The following ATG4C variants were observed in gnomAD, a reference collection of about 807,000 sequenced individuals.
The protein encoded by ATG4C is autophagy related 4C cysteine peptidase.
A neutral mutation model predicts 57.6 loss-of-function variants in ATG4C; 56 were observed. The ratio of observed to expected loss-of-function variants is 0.97; its 90% confidence interval spans 0.78 to 1.21. The LOEUF is 1.21. ATG4C is among the 50% of genes most tolerant of loss of function. The pLI is 0.00. For synonymous variants in ATG4C, 157 were observed against 174.1 expected (o/e 0.90, Z 0.78); for missense variants, 595 against 529.8 (o/e 1.12, Z -1.21).
At chr1:62,849,164 C>G (rs1045851554) in intron 10 of ATG4C, among the ~76,000 whole-genome samples, 14 of 152,108 alleles carry the variant, frequency 9.2e-5, no homozygotes, top group African/African-American at 3.4e-4. Context: ...CTGCCGCCTG[C>G]CAGGTTCCAG....
intron 6 of ATG4C, among the ~76,000 whole-genome samples, chr1:62,824,496 C>T (rs757704338): frequency 2.6e-5 from 4 of 152,084 alleles, no homozygotes; most frequent in Non-Finnish European, 5.9e-5. Context: ...ATTCAACTGA[C>T]AAGGAGTATG....
intron 7 of ATG4C, among the ~76,000 whole-genome samples, chr1:62,832,396 C>G (rs1293160802): frequency 6.6e-6 from 1 of 152,098 alleles, no homozygotes; most frequent in Admixed American, 6.6e-5. Context: ...GATGGGAAAT[C>G]TAAGATCAAG....
chr1:62,797,778 T>A (rs941598433), intron 1 of ATG4C, among the ~76,000 whole-genome samples: 1 of 152,182 alleles, frequency 6.6e-6, no homozygotes, highest in African/African-American at 2.4e-5. Flanking sequence ...TAATTACATT[T>A]TCCTGTCTGA....
Position 62,806,069 on chromosome 1 carries a change from G to A in ATG4C, c.160+814G>A, listed in dbSNP as rs376788450. Reference sequence around the variant, plus strand: ...TTCTAAAACCTGTAAATGGCTTGTAGTAATAACAGCTGACATTTATTGAGC... The same window carrying A: ...TTCTAAAACCTGTAAATGGCTTGTAATAATAACAGCTGACATTTATTGAGC... On this transcript the variant is annotated intron_variant, in intron 3 of 10. Coordinates refer to ENST00000317868, the MANE Select transcript of ATG4C (RefSeq NM_032852.4). Among the ~76,000 whole-genome samples the A allele has an allele frequency of 4.6e-5, 7 of 152,238 alleles. No homozygotes were observed. In the East Asian group the frequency reaches 1.3e-3, roughly 29 times the overall value.
chr1:62,802,854 A>ATAAT (rs1345413139), intron 1 of ATG4C, among the ~76,000 whole-genome samples: 2 of 152,188 alleles, frequency 1.3e-5, no homozygotes, highest in Non-Finnish European at 2.9e-5. Context: ...ACTATGATGT[A>ATAAT]TAATTGGTAA....
chr1:62,814,275 A>G (rs778882627), intron 3 of ATG4C, among the ~76,000 whole-genome samples: 34 of 152,228 alleles, frequency 2.2e-4, no homozygotes, highest in Non-Finnish European at 4.0e-4. Context: ...ATAACAAATG[A>G]TAAGTTCATG....
At chr1:62,784,761 A>G (rs1444630032) in intron 1 of ATG4C, among the ~76,000 whole-genome samples, 3 of 152,144 alleles carry the variant, frequency 2.0e-5, no homozygotes, top group Non-Finnish European at 2.9e-5. Context: ...TGCCTTGCAT[A>G]TATTAATGCC....
chr1:62,856,606 C>G (rs1159390271), intron 10 of ATG4C, among the ~76,000 whole-genome samples: 4 of 152,090 alleles, frequency 2.6e-5, no homozygotes, highest in African/African-American at 4.8e-5. Flanking sequence ...AAGTATCAGC[C>G]AAGTTTTGAA....
chr1:62,807,757 A>C (rs185427927), intron 3 of ATG4C, among the ~76,000 whole-genome samples: 14 of 152,320 alleles, frequency 9.2e-5, no homozygotes, highest in Admixed American at 5.2e-4. Flanking sequence ...ATAAATGGCG[A>C]AATATAACCA....
At position 62,816,687 on chromosome 1, in the gene ATG4C, CAGGGAAGAATTCCCTCAAAT is replaced by C. The variant is rs1665285037; in HGVS notation, c.276_295del (p.Glu93ArgfsTer32). ...TCATTTCTAGAATATGGCTGACCTACAGGGAAGAATTCCCTCAAATAGAAGGCTCAGCTTTGACAACAGAC... is the reference window on the plus strand; with the variant it reads ...TCATTTCTAGAATATGGCTGACCTACAGAAGGCTCAGCTTTGACAACAGAC... On this transcript the variant is annotated frameshift_variant, in exon 4 of 11. Transcript: ENST00000317868. LOFTEE classifies it high-confidence loss of function. 3 of 1,613,838 alleles carry C rather than the reference CAGGGAAGAATTCCCTCAAAT, an allele frequency of 1.9e-6. No individual in the cohort carries two copies. The highest frequency in any genetic ancestry group is 2.5e-6 in the Non-Finnish European group (3 of 1,179,814).
chr1:62,837,824 T>C (rs1666042630), intron 9 of ATG4C, among the ~76,000 whole-genome samples: 1 of 152,166 alleles, frequency 6.6e-6, no homozygotes, highest in South Asian at 2.1e-4. Flanking sequence ...GGTCTTGCTC[T>C]GTTACCACTC....
intron 9 of ATG4C, among the ~76,000 whole-genome samples, chr1:62,841,165 G>A (rs1261525215): frequency 6.6e-6 from 1 of 151,966 alleles, no homozygotes; most frequent in Non-Finnish European, 1.5e-5. Flanking sequence ...TACCACTTTT[G>A]ACACACTTCC....
chr1:62,809,266 C>T (rs900608014), intron 3 of ATG4C, among the ~76,000 whole-genome samples: 16 of 151,232 alleles, frequency 1.1e-4, no homozygotes, highest in Admixed American at 5.3e-4. Flanking sequence ...CTGTAAAACA[C>T]GGTCTATAAA....
intron 3 of ATG4C, among the ~76,000 whole-genome samples, chr1:62,814,404 A>C (rs377243398): frequency 6.6e-6 from 1 of 152,074 alleles, no homozygotes; most frequent in East Asian, 1.9e-4. Flanking sequence ...ATGAGAATAC[A>C]TGGAGACTGG....
intron 6 of ATG4C, among the ~76,000 whole-genome samples, chr1:62,824,113 G>A (rs1318829558): frequency 6.6e-6 from 1 of 151,964 alleles, no homozygotes; most frequent in Non-Finnish European, 1.5e-5. Context: ...TTACAGAATT[G>A]GACTATGTCA....
chr1:62,812,588 C>G (rs1396032808), intron 3 of ATG4C, among the ~76,000 whole-genome samples: 4 of 152,144 alleles, frequency 2.6e-5, no homozygotes, highest in Admixed American at 2.6e-4. Context: ...TCTCACCACT[C>G]CTCTTCAACA....
chr1:62,807,529 A>G (rs892852862), intron 3 of ATG4C, among the ~76,000 whole-genome samples: 1 of 152,160 alleles, frequency 6.6e-6, no homozygotes, highest in Non-Finnish European at 1.5e-5. Context: ...GATTGAGTTG[A>G]TAATTTATCA....
At chr1:62,806,362 AT>A (rs978786817) in intron 3 of ATG4C, among the ~76,000 whole-genome samples, 71 of 146,108 alleles carry the variant, frequency 4.9e-4, no homozygotes, top group South Asian at 6.5e-4. Flanking sequence ...GAGTTAGGTC[AT>A]TTTTTTTTTT....
At chr1:62,795,080 T>A (rs1435761634) in intron 1 of ATG4C, among the ~76,000 whole-genome samples, 1 of 152,242 alleles carries the variant, frequency 6.6e-6, no homozygotes, top group Non-Finnish European at 1.5e-5. Context: ...TTGAGGAAGA[T>A]GCCTGAGCAT....
Sources: allele counts gnomAD v4.1 joint callset (sites outside exome capture counted in the v4.1 genomes callset), GRCh38; gene constraint gnomAD v4.1.1; transcripts MANE v1.5; gene names NCBI Gene and HGNC (gene_info 2026-07-23, HGNC 2026-07-21).